Variants in GALNTL6 observed in about 807,000 individuals in gnomAD.
GALNTL6 encodes polypeptide N-acetylgalactosaminyltransferase like 6.
Under a neutral mutation model 73.7 loss-of-function variants are expected in GALNTL6, and 46 were observed. The ratio of observed to expected loss-of-function variants is 0.62; its 90% CI spans 0.49 to 0.80. The LOEUF is 0.80. Among genes scored for constraint, GALNTL6 ranks in the 30% least tolerant of loss-of-function variants. The pLI, the probability that GALNTL6 is intolerant of heterozygous loss-of-function variation, is 0.00. For missense variants in GALNTL6, 604 were observed against 755.0 expected, an observed-to-expected ratio of 0.80 and a Z score of 2.34; for synonymous variants, 259 against 263.7, an observed-to-expected ratio of 0.98 and a Z score of 0.17.
chr4:172,706,981 G>T (rs2111310887), intron 5 of GALNTL6, among the ~76,000 whole-genome samples: 1 of 152,254 alleles, frequency 6.6e-6, no homozygotes, highest in Admixed American at 6.5e-5. Flanking sequence ...CCTATGGGTT[G>T]GGGCAGGAAT....
chr4:172,090,645 G>T (rs1732176740), intron 2 of GALNTL6, among the ~76,000 whole-genome samples: 1 of 152,016 alleles, frequency 6.6e-6, no homozygotes, highest in Non-Finnish European at 1.5e-5. Context: ...TCTGTAGGTT[G>T]CCTGTTCAAT....
intron 2 of GALNTL6, among the ~76,000 whole-genome samples, chr4:172,075,684 A>G (rs1290249475): frequency 1.3e-5 from 2 of 152,166 alleles, no homozygotes; most frequent in Non-Finnish European, 2.9e-5. Context: ...GTTTGCCGAT[A>G]GTTTCTAAAA....
At position 173,024,109 on chromosome 4, in the gene GALNTL6, G is replaced by A. The variant is rs139759236; in HGVS notation, c.1638+2484G>A. ...GGGAGCTTACAAAAGTTTACAGATG[G>A]ATAAGAACAACTAATACACAGAGCT... On this transcript the variant is annotated intron_variant, in intron 12 of 12. Transcript: ENST00000506823. Among the ~76,000 whole-genome samples the A allele has an allele frequency of 3.7e-3, 570 of 152,172 alleles. 3 individuals are homozygous for A. Among genetic ancestry groups the A allele is most frequent in the African/African-American group, 0.012 (517 of 41,514 alleles).
At chr4:172,389,189 G>A (rs1508258) in intron 5 of GALNTL6, among the ~76,000 whole-genome samples, 122,704 of 151,878 alleles carry the variant, frequency 0.81, 50,427 homozygotes, top group Non-Finnish European at 0.88. Flanking sequence ...ATATTTAAAT[G>A]TTTTTCTGAC....
rs1746045091 is a variant in GALNTL6, at chr4:172,891,780, C to CAT, written c.1041+8875_1041+8876dup. On this transcript the variant is annotated intron_variant, in intron 8 of 12. Coordinates refer to ENST00000506823, the MANE Select transcript of GALNTL6 (RefSeq NM_001034845.3). ...TTCTCTCTCGGGAATACCAAGGAGT[C>CAT]ATAGGCTTTGTCTCTTTATGTAATC... Among the ~76,000 whole-genome samples the CAT allele has an allele frequency of 1.3e-5, 2 of 152,198 alleles. 1 individual carries two copies. The highest frequency in any genetic ancestry group is 4.1e-4 in the South Asian group (2 of 4,826).
intron 5 of GALNTL6, among the ~76,000 whole-genome samples, chr4:172,621,676 A>T (rs375143503): frequency 1.3e-4 from 20 of 152,256 alleles, no homozygotes; most frequent in African/African-American, 4.8e-4. Flanking sequence ...GATATTCTGG[A>T]TATTCTAAAC....
chr4:172,514,955 T>G (rs1002259815), intron 5 of GALNTL6, among the ~76,000 whole-genome samples: 5 of 152,196 alleles, frequency 3.3e-5, no homozygotes, highest in Non-Finnish European at 7.3e-5. Context: ...TTTTTGGCTA[T>G]CTCTCAGAAT....
intron 7 of GALNTL6, among the ~76,000 whole-genome samples, chr4:172,862,298 G>GC (rs1744433000): frequency 6.6e-6 from 1 of 152,212 alleles, no homozygotes; most frequent in South Asian, 2.1e-4. Flanking sequence ...GTGGCATTTA[G>GC]CCCCTGCCCC....
chr4:172,360,035 C>T (rs181977647), intron 5 of GALNTL6, among the ~76,000 whole-genome samples: 56 of 152,312 alleles, frequency 3.7e-4, no homozygotes, highest in South Asian at 3.3e-3. Context: ...AGAAGAGGGC[C>T]TAATGGCATG....
chr4:171,886,584 T>G (rs1736616116), intron 2 of GALNTL6, among the ~76,000 whole-genome samples: 1 of 151,882 alleles, frequency 6.6e-6, no homozygotes, highest in East Asian at 1.9e-4. Flanking sequence ...AAGAGAGAGG[T>G]TTAATGCACT....
chr4:172,937,889 A>G (rs1282007464), intron 9 of GALNTL6, among the ~76,000 whole-genome samples: 1 of 152,226 alleles, frequency 6.6e-6, no homozygotes, highest in Non-Finnish European at 1.5e-5. Flanking sequence ...TGATGTAACA[A>G]AAGAGAAATA....
At chr4:172,291,970 C>T (rs1352253593) in intron 3 of GALNTL6, among the ~76,000 whole-genome samples, 1 of 152,044 alleles carries the variant, frequency 6.6e-6, no homozygotes, top group Non-Finnish European at 1.5e-5. Flanking sequence ...ATAAAGACAA[C>T]TATTTTAGAA....
intron 3 of GALNTL6, among the ~76,000 whole-genome samples, chr4:172,302,281 G>T (rs1450918642): frequency 6.6e-6 from 1 of 152,052 alleles, no homozygotes; most frequent in East Asian, 1.9e-4. Flanking sequence ...CCTTTCCTTG[G>T]CTAGGAAAGG....
chr4:172,569,204 T>G (rs1385776510), intron 5 of GALNTL6, among the ~76,000 whole-genome samples: 1 of 152,156 alleles, frequency 6.6e-6, no homozygotes, highest in Non-Finnish European at 1.5e-5. Context: ...AAGACCAAGG[T>G]GCCAGCAGAT....
intron 2 of GALNTL6, among the ~76,000 whole-genome samples, chr4:172,089,187 A>G (rs1348766409): frequency 6.6e-6 from 1 of 152,176 alleles, no homozygotes; most frequent in African/African-American, 2.4e-5. Flanking sequence ...GTCTCTATAT[A>G]TGATGCAGGC....
At chr4:172,926,302 C>T (rs577354368) in intron 8 of GALNTL6, among the ~76,000 whole-genome samples, 18 of 152,284 alleles carry the variant, frequency 1.2e-4, no homozygotes, top group African/African-American at 3.9e-4. Context: ...AATACCACCA[C>T]ATTGGAGATT....
chr4:172,445,646 A>G (rs1286872380), intron 5 of GALNTL6, among the ~76,000 whole-genome samples: 1 of 152,164 alleles, frequency 6.6e-6, no homozygotes, highest in Non-Finnish European at 1.5e-5. Context: ...TTTCTTTCCT[A>G]AAACAATTAT....
chr4:172,842,980 AAAT>A (rs1288351913), intron 7 of GALNTL6, among the ~76,000 whole-genome samples: 1 of 152,070 alleles, frequency 6.6e-6, no homozygotes, highest in East Asian at 1.9e-4. Flanking sequence ...TTGATGGGGG[AAAT>A]GCACTCACTC....
At chr4:172,732,748 G>A (rs1338770832) in intron 5 of GALNTL6, among the ~76,000 whole-genome samples, 1 of 151,990 alleles carries the variant, frequency 6.6e-6, no homozygotes, top group Non-Finnish European at 1.5e-5. Context: ...TTTTATTGAT[G>A]AAACAAGTTA....
Sources: allele counts gnomAD v4.1 joint callset (sites outside exome capture counted in the v4.1 genomes callset), GRCh38; gene constraint gnomAD v4.1.1; transcripts MANE v1.5; gene names NCBI Gene and HGNC (gene_info 2026-07-23, HGNC 2026-07-21).